The following PDZD9 variants were observed in gnomAD, a reference collection of about 807,000 sequenced individuals.
PDZD9 encodes the protein PDZ domain containing 9.
A neutral mutation model predicts 16.3 loss-of-function variants in PDZD9; 13 were observed. The observed-to-expected ratio is 0.80, with a 90% CI of 0.52 to 1.27. PDZD9 has a LOEUF of 1.27. Ranked by LOEUF, PDZD9 falls within the 50% of genes most tolerant of loss-of-function variation. The probability of loss-of-function intolerance (pLI) is 0.00; values close to 1 mark genes in which losing one functional copy is unlikely to be tolerated. For synonymous variants in PDZD9, 120 were observed against 111.0 expected (o/e 1.08, Z -0.51); for missense variants, 288 against 310.9 (o/e 0.93, Z 0.55).
At chr16:21,986,632 CA>C (rs1160276786) in intron 3 of PDZD9, among the ~76,000 whole-genome samples, 3 of 152,044 alleles carry the variant, frequency 2.0e-5, no homozygotes, top group African/African-American at 7.3e-5. Flanking sequence ...AACCACTGAC[CA>C]CATGAAAGTC....
chr16:21,972,213 C>G, the PDZD9 span: 3 of 1,442,672 alleles, frequency 2.1e-6, no homozygotes, highest in Middle Eastern at 1.8e-4. Flanking sequence ...AAATGTAAGA[C>G]AAACACACAG....
At chr16:21,992,728 T>C (rs1328561755) in intron 2 of PDZD9, among the ~76,000 whole-genome samples, 2 of 152,218 alleles carry the variant, frequency 1.3e-5, no homozygotes, top group African/African-American at 4.8e-5. Context: ...GAGGCTACAC[T>C]GTCGGCTTCC....
chr16:22,000,825 A>G (rs1899277322), intron 1 of PDZD9, among the ~76,000 whole-genome samples, 192 bp downstream of exon 1: 1 of 140,474 alleles, frequency 7.1e-6, no homozygotes, highest in African/African-American at 2.7e-5. Flanking sequence ...CTCCTTCTCA[A>G]ATGATGATGA....
chr16:21,967,997 TTCC>T, the PDZD9 span, among the ~76,000 whole-genome samples: 1 of 151,282 alleles, frequency 6.6e-6, no homozygotes, highest in South Asian at 2.1e-4. Context: ...TTTCTTTTTA[TTCC>T]TTTTTTTTTT....
the PDZD9 span, chr16:21,962,672 T>A: frequency 2.5e-6 from 4 of 1,599,462 alleles, no homozygotes; most frequent in Non-Finnish European, 1.7e-6. Flanking sequence ...GACCTAAAGT[T>A]TCACATTGAG....
chr16:21,962,541 C>G, the PDZD9 span: 15 of 1,613,892 alleles, frequency 9.3e-6, no homozygotes, highest in Non-Finnish European at 1.3e-5. Context: ...GTGTTTAGGA[C>G]TTCTGCTTTG....
At chr16:21,988,541 A>G (rs769351599) in intron 3 of PDZD9, 61 bp downstream of exon 3, 266 of 1,343,714 alleles carry the variant, frequency 2.0e-4, no homozygotes, top group Non-Finnish European at 2.7e-4. Flanking sequence ...TAAACCATCT[A>G]TGCCTCACAG....
chr16:21,957,656 T>C, the PDZD9 span: 1 of 1,512,408 alleles, frequency 6.6e-7, no homozygotes, highest in Non-Finnish European at 8.9e-7. Context: ...TCTTTATATT[T>C]TGATTCCTTG....
At chr16:21,976,289 G>A in the PDZD9 span, 12 of 1,463,920 alleles carry the variant, frequency 8.2e-6, no homozygotes, top group African/African-American at 1.5e-4. Flanking sequence ...TTATTTGAAA[G>A]TTGTATTCTT....
chr16:21,971,881 C>G, the PDZD9 span: 1 of 1,608,960 alleles, frequency 6.2e-7, no homozygotes, highest in Middle Eastern at 1.9e-4. Context: ...CAATGGTGAA[C>G]AAGCCATTTT....
the PDZD9 span, chr16:21,962,110 A>T: frequency 2.0e-5 from 4 of 204,024 alleles, no homozygotes; most frequent in South Asian, 4.2e-4. Flanking sequence ...GGCAACTGCC[A>T]TTCTCTTTTC....
At chr16:21,992,833 T>C (rs1899056513) in intron 2 of PDZD9, among the ~76,000 whole-genome samples, 1 of 152,168 alleles carries the variant, frequency 6.6e-6, no homozygotes, top group East Asian at 1.9e-4. Context: ...GGTTTGGTTC[T>C]GTGTCCCCAT....
rs1489883529 is a variant in PDZD9 at position 21,996,491 on chromosome 16, G to A, written c.42C>T (p.Val14=). 6.5e-7 allele frequency: 1 copy of A among 1,534,876 alleles called. No individual in the cohort carries two copies. Among genetic ancestry groups the A allele is most frequent in the Non-Finnish European group, 8.7e-7 (1 of 1,145,978 alleles). Residue 14 remains valine, a synonymous_variant, in exon 2 of 4, where the codon GTC becomes GTT. Transcript: ENST00000424898. Reference sequence around the variant, plus strand: ...GTACAGATGTTTTGACCTTGTTGCTGACTCCTCTTTCTAACCAAAAGAGGG... The same window carrying A: ...GTACAGATGTTTTGACCTTGTTGCTAACTCCTCTTTCTAACCAAAAGAGGG... ...ASHKNKKERG[V]SNKVKTSVHN...
At chr16:21,975,449 A>G in the PDZD9 span, among the ~76,000 whole-genome samples, 4 of 152,058 alleles carry the variant, frequency 2.6e-5, no homozygotes, top group Non-Finnish European at 5.9e-5. Context: ...ATGAAGGGGA[A>G]ACAGAGGTCC....
At chr16:21,974,044 T>G in the PDZD9 span, 5 of 1,438,104 alleles carry the variant, frequency 3.5e-6, no homozygotes, top group Non-Finnish European at 4.8e-6. Flanking sequence ...TAAACATGTT[T>G]TCGGTTAAAA....
chr16:21,984,654 T>G lies in PDZD9; in HGVS notation c.408A>C (p.Pro136=). 1 of 1,505,928 alleles carries G rather than the reference T, an allele frequency of 6.6e-7. No individual in the cohort carries two copies. Among genetic ancestry groups the G allele is most frequent in the Non-Finnish European group, 8.9e-7 (1 of 1,127,128 alleles). The allele number at this position is 1,505,928 out of a possible 1,614,324, so 93.3% of individuals were successfully genotyped here. A position where few individuals can be genotyped will look rare whatever the true frequency, so the allele number is the denominator to read the frequency against. The stretch of plus-strand genomic sequence containing the variant: ...CATCTTTTGCCAGCTCAATTTTCTT[T>G]GGTGTGCTGAAATGAAAAGAATAGT... ...PEAKFPVTST[P]KKIELAKDES... is the part of the protein sequence containing the mutation. The change falls in exon 4 of 4, where the codon CCA becomes CCC. Residue 136 remains proline, a synonymous_variant. Coordinates refer to ENST00000424898, the MANE Select transcript of PDZD9 (RefSeq NM_001363519.1).
chr16:21,966,812 C>G, the PDZD9 span, among the ~76,000 whole-genome samples: 1 of 152,142 alleles, frequency 6.6e-6, no homozygotes, highest in African/African-American at 2.4e-5. Context: ...AAAAGTTTAT[C>G]TACAAGGATG....
At chr16:21,987,986 A>G (rs1472646977) in intron 3 of PDZD9, among the ~76,000 whole-genome samples, 2 of 147,034 alleles carry the variant, frequency 1.4e-5, no homozygotes, top group East Asian at 3.9e-4. Context: ...AAAAGAAAAT[A>G]GGATTTGCAA....
At chr16:21,982,990 C>A, downstream of PDZD9, 1 of 936,202 alleles carries the variant, frequency 1.1e-6, no homozygotes, top group Non-Finnish European at 1.6e-6. Flanking sequence ...AAAAGAATGT[C>A]CTATCCATAA....
Sources: gnomAD v4.1 joint callset for allele counts (sites outside exome capture counted in the v4.1 genomes callset) on GRCh38, gnomAD v4.1.1 for gene constraint, MANE v1.5 for transcripts, NCBI Gene and HGNC (gene_info 2026-07-23, HGNC 2026-07-21) for gene names.